The following GRHL2 variants were observed in gnomAD, a reference collection of about 807,000 sequenced individuals.
The protein encoded by GRHL2 is grainyhead like transcription factor 2.
GRHL2 carries 21 observed loss-of-function variants against 83.8 expected under a neutral mutation model. The ratio of observed to expected loss-of-function variants is 0.25; its 90% confidence interval spans 0.18 to 0.36. The LOEUF (loss-of-function observed/expected upper bound fraction) is 0.36. Among genes scored for constraint, GRHL2 ranks in the 10% least tolerant of loss-of-function variants. The pLI is 1.00. For synonymous variants in GRHL2, 280 were observed against 278.9 expected (o/e 1.00, Z -0.04); for missense variants, 623 against 781.8 (o/e 0.80, Z 2.42).
intron 3 of GRHL2, 73 bp from the exon 4 acceptor site, chr8:101,558,346 G>A (rs1259357947): frequency 1.3e-6 from 2 of 1,546,974 alleles, no homozygotes; most frequent in Non-Finnish European, 1.8e-6. Context: ...TGCCTGCATT[G>A]GTTATTCTAT....
At chr8:101,652,340 T>TGTGTGTGTGTGGTGTGTGTG (rs1813647084) in intron 14 of GRHL2, among the ~76,000 whole-genome samples, 1 of 77,464 alleles carries the variant, frequency 1.3e-5, no homozygotes, top group African/African-American at 7.5e-5. Context: ...GGTGTGTGTG[T>TGTGTGTGTGTGGTGTGTGTG]ATGTGTGTGG....
At chr8:101,542,092 T>C (rs1482790130) in intron 1 of GRHL2, among the ~76,000 whole-genome samples, 1 of 152,220 alleles carries the variant, frequency 6.6e-6, no homozygotes, top group Non-Finnish European at 1.5e-5. Context: ...TACATTGCCT[T>C]TTACATTGAG....
At chr8:101,553,702 A>T (rs375438231) in intron 3 of GRHL2, among the ~76,000 whole-genome samples, 2 of 138,964 alleles carry the variant, frequency 1.4e-5, no homozygotes, top group Non-Finnish European at 3.0e-5. Context: ...ATCTTGGCTC[A>T]CTGTAATCTC....
At chr8:101,521,280 C>G (rs1363327842) in intron 1 of GRHL2, among the ~76,000 whole-genome samples, 1 of 152,148 alleles carries the variant, frequency 6.6e-6, no homozygotes, top group Non-Finnish European at 1.5e-5. Flanking sequence ...CCCTGTTCCC[C>G]AAGAATGTGC....
In GRHL2 at chr8:101,614,250, A is replaced by C. The variant is rs528860302; in HGVS notation, c.1099-5289A>C. Among the ~76,000 whole-genome samples, 8 of 151,214 alleles carry C rather than the reference A, an allele frequency of 5.3e-5. 1 individual carries two copies. The highest frequency in any genetic ancestry group is 2.0e-4 in the African/African-American group (8 of 40,592). ...ACAAATGATTTTGTAAAAAAATGCC[A>C]ATGTTATGAGACTGCTTCTATTTCT... is the stretch of plus-strand genomic sequence containing the variant. On this transcript the variant is annotated intron_variant, in intron 8 of 15. Coordinates refer to ENST00000646743, the MANE Select transcript of GRHL2 (RefSeq NM_024915.4).
chr8:101,537,908 CT>C (rs937936953), intron 1 of GRHL2, among the ~76,000 whole-genome samples: 1 of 152,052 alleles, frequency 6.6e-6, no homozygotes. Flanking sequence ...TTGTTATTTT[CT>C]TTTTTAAAAA....
At chr8:101,600,572 A>T (rs1443682891) in intron 8 of GRHL2, among the ~76,000 whole-genome samples, 1 of 152,070 alleles carries the variant, frequency 6.6e-6, no homozygotes, top group Non-Finnish European at 1.5e-5. Context: ...GCTGAACCTG[A>T]TCGGTAAGAG....
chr8:101,644,268 G>A, intron 13 of GRHL2, 43 bp downstream of exon 13: 2 of 1,494,852 alleles, frequency 1.3e-6, no homozygotes, highest in Admixed American at 1.8e-5. Context: ...AGGGATGCGG[G>A]GTGTCTCTCC....
chr8:101,647,487 T>C (rs780650901), intron 13 of GRHL2, among the ~76,000 whole-genome samples: 7 of 152,244 alleles, frequency 4.6e-5, no homozygotes, highest in Admixed American at 2.0e-4. Context: ...TTTCCTTGAC[T>C]TTAATTTTCC....
chr8:101,553,866 T>A (rs927476881), intron 3 of GRHL2, among the ~76,000 whole-genome samples: 5 of 152,082 alleles, frequency 3.3e-5, no homozygotes, highest in African/African-American at 9.7e-5. Flanking sequence ...GACCTTGTGA[T>A]CTGCCCGCCT....
At chr8:101,560,440 T>A (rs534054283) in intron 4 of GRHL2, among the ~76,000 whole-genome samples, 1 of 152,368 alleles carries the variant, frequency 6.6e-6, no homozygotes, top group African/African-American at 2.4e-5. Context: ...TTCCAGCTTT[T>A]GGCTATTATG....
At chr8:101,653,542 G>A (rs145944195) in intron 14 of GRHL2, among the ~76,000 whole-genome samples, 2,559 of 152,134 alleles carry the variant, frequency 0.017, 29 homozygotes, top group Non-Finnish European at 0.028. Flanking sequence ...TTGAGGTCAG[G>A]AGCTCAAGAC....
At chr8:101,676,890 G>T in the GRHL2 span, among the ~76,000 whole-genome samples, 1 of 152,094 alleles carries the variant, frequency 6.6e-6, no homozygotes, top group African/African-American at 2.4e-5. Flanking sequence ...TATAAAAAAT[G>T]ATGAGTTCAT....
chr8:101,531,579 A>T (rs1643147603), intron 1 of GRHL2, among the ~76,000 whole-genome samples: 1 of 152,186 alleles, frequency 6.6e-6, no homozygotes, highest in Non-Finnish European at 1.5e-5. Context: ...CACACCACAC[A>T]CACACACTAA....
intron 9 of GRHL2, among the ~76,000 whole-genome samples, chr8:101,625,133 AG>A (rs1813056005): frequency 4.6e-5 from 7 of 152,192 alleles, no homozygotes; most frequent in African/African-American, 1.7e-4. Flanking sequence ...ACTTTATTTC[AG>A]ATATTCCAGG....
intron 1 of GRHL2, among the ~76,000 whole-genome samples, chr8:101,533,212 T>C (rs934621924): frequency 6.6e-6 from 1 of 152,216 alleles, no homozygotes; most frequent in Non-Finnish European, 1.5e-5. Context: ...TTGATGCTTA[T>C]TAAATTAAAT....
At chr8:101,576,907 T>G (rs1811944268) in intron 6 of GRHL2, among the ~76,000 whole-genome samples, 1 of 152,246 alleles carries the variant, frequency 6.6e-6, no homozygotes, top group Non-Finnish European at 1.5e-5. Context: ...TATGAATTTG[T>G]CTTTCAGCAT....
intron 1 of GRHL2, among the ~76,000 whole-genome samples, chr8:101,503,366 G>C (rs774166956): frequency 6.6e-6 from 1 of 152,176 alleles, no homozygotes; most frequent in Non-Finnish European, 1.5e-5. Context: ...TGTATAAGTG[G>C]CTAATAAAGA....
At chr8:101,625,709 C>T (rs1813066833) in intron 9 of GRHL2, among the ~76,000 whole-genome samples, 1 of 151,892 alleles carries the variant, frequency 6.6e-6, no homozygotes. Context: ...AATACCTTGC[C>T]AATCAGAAAG....
Sources: allele counts gnomAD v4.1 joint callset (sites outside exome capture counted in the v4.1 genomes callset), GRCh38; gene constraint gnomAD v4.1.1; transcripts MANE v1.5; gene names NCBI Gene and HGNC (gene_info 2026-07-23, HGNC 2026-07-21).